The following NAGPA variants were observed in gnomAD, a reference collection of about 807,000 sequenced individuals.
The protein encoded by NAGPA is N-acetylglucosamine-1-phosphodiester alpha-N-acetylglucosaminidase.
NAGPA carries 56 observed loss-of-function variants against 48.5 expected under a neutral mutation model. The observed-to-expected ratio is 1.15, with a 90% confidence interval of 0.93 to 1.44. The LOEUF (loss-of-function observed/expected upper bound fraction) is 1.44, where lower values mean the gene tolerates loss of function less well. Among genes scored for constraint, NAGPA ranks in the 40% most tolerant of loss-of-function variants. NAGPA has a pLI of 0.00. For missense variants in NAGPA, 888 were observed against 735.0 expected, an observed-to-expected ratio of 1.21 and a Z score of -2.41; for synonymous variants, 399 against 315.5, an observed-to-expected ratio of 1.26 and a Z score of -2.81.
At chr16:5,030,542 G>A in intron 3 of NAGPA, 49 bp from the exon 4 acceptor site, 1 of 1,437,722 alleles carries the variant, frequency 7.0e-7, no homozygotes, top group Non-Finnish European at 9.6e-7. Flanking sequence ...GAGGCCTCCT[G>A]CTTCTTGCCT....
At position 5,025,207 on chromosome 16, in the gene NAGPA, C is replaced by G; in HGVS notation, c.*271G>C. 2 of 527,914 alleles carry G rather than the reference C, an allele frequency of 3.8e-6. No homozygotes were observed. The highest frequency in any genetic ancestry group is 6.9e-6 in the Non-Finnish European group (2 of 291,522). The allele number at this position is 527,914 out of a possible 1,614,324, so 32.7% of individuals were successfully genotyped here. A position where few individuals can be genotyped will look rare whatever the true frequency, so the allele number is the denominator to read the frequency against. ...CTCTTTGGCAGTGCGGCAGCCCTCC[C>G]GGGGGCACGGGCTTCTCGGCAGCAG... On this transcript the variant is annotated 3_prime_UTR_variant, in exon 10 of 10. Transcript: ENST00000312251.
Position 5,027,989 on chromosome 16 carries a change from A to T in NAGPA, c.1117T>A (p.Cys373Ser). ...CAGAACCCCCACTCACTCTCCGTGCACAGTCCGTGCTGGCTGCAGTTAGAG... is the reference window on the plus strand; with the variant it reads ...CAGAACCCCCACTCACTCTCCGTGCTCAGTCCGTGCTGGCTGCAGTTAGAG... ...GPSNCSQHGL[C>S]TETGCRCDAG... Residue 373 changes from cysteine (C) to serine (S), a missense_variant, in exon 6 of 10, where the codon TGC becomes AGC. By Grantham distance (112) the Cys-to-Ser change is moderately radical. Transcript: ENST00000312251. The T allele has an allele frequency of 1.3e-6, 2 of 1,588,602 alleles. No homozygotes were observed. Among genetic ancestry groups the T allele is most frequent in the Non-Finnish European group, 1.7e-6 (2 of 1,172,588 alleles).
intron 3 of NAGPA, chr16:5,031,052 C>G (rs1473773949): frequency 5.8e-6 from 1 of 173,152 alleles, no homozygotes; most frequent in Admixed American, 5.5e-5. Context: ...GCTTCAGCCT[C>G]CCAAGTAGCT....
Position 5,033,911 on chromosome 16 carries a change from C to A in NAGPA, c.4G>T (p.Ala2Ser), listed in dbSNP as rs1199388261. The A allele has an allele frequency of 6.5e-7, 1 of 1,549,066 alleles. No individual in the cohort carries two copies. ...AGAAGCCAGCGACCCGTGGAGGTCG[C>A]CATATTGGACCGGGGCCTCGGGTCA... M[A>S]TSTGRWLLLR... Residue 2 changes from alanine to serine, a missense_variant, in exon 1 of 10, where the codon GCG becomes TCG. Physicochemically the swap from Ala to Ser is moderately conservative, Grantham distance 99. Coordinates refer to ENST00000312251, the MANE Select transcript of NAGPA (RefSeq NM_016256.4). This position sits in a 1 kb window ranked among gnomAD's most constrained non-coding sequence, Gnocchi z 4.2.
intron 2 of NAGPA, among the ~76,000 whole-genome samples, chr16:5,032,672 C>G (rs904544036): frequency 6.9e-6 from 1 of 145,746 alleles, no homozygotes; most frequent in African/African-American, 2.8e-5. Context: ...GAGCAAGACT[C>G]TGTCTCAAAA....
Position 5,025,273 on chromosome 16 carries a change from G to T in NAGPA, c.*205C>A, listed in dbSNP as rs376709797. The T allele has an allele frequency of 1.9e-3, 1,222 of 647,884 alleles. 4 individuals are homozygous for T. The highest frequency in any genetic ancestry group is 4.7e-3 in the Middle Eastern group (11 of 2,324). 40.1% of individuals were successfully genotyped at this position (647,884 alleles called of 1,614,324 possible). On this transcript the variant is annotated 3_prime_UTR_variant, in exon 10 of 10. Transcript: ENST00000312251. ...AAGCAGGCAGCTGAGCCTCTCCAGC[G>T]AGCATGGTATTGCTAGGGTTGCAGG...
chr16:5,030,006 ACT>A (rs1368161722), intron 4 of NAGPA: 1 of 356,738 alleles, frequency 2.8e-6, no homozygotes, highest in African/African-American at 2.1e-5. Context: ...AAACCAAAAC[ACT>A]CTCTTTACAG....
intron 5 of NAGPA, 177 bp from the exon 6 acceptor site, chr16:5,028,362 G>C: frequency 7.9e-7 from 1 of 1,261,978 alleles, no homozygotes; most frequent in Non-Finnish European, 1.1e-6. Context: ...AGCCTCCTGA[G>C]CAGCTGTAAC....
In NAGPA at chr16:5,030,377, G is replaced by C. The variant is rs775216572; in HGVS notation, c.791+8C>G. ...CCCGGCCGGGGGGCCTCAGCTCCCA[G>C]GACTCACCCACGCTGCTCCGTTTGG... On this transcript the variant is annotated splice_region_variant and intron_variant, in intron 4 of 9. Coordinates refer to ENST00000312251, the MANE Select transcript of NAGPA (RefSeq NM_016256.4). 1.3e-6 allele frequency: 2 copies of C among 1,550,794 alleles called. No homozygotes were observed. The highest frequency in any genetic ancestry group is 2.7e-5 in the African/African-American group (2 of 73,150).
Position 5,033,219 on chromosome 16 carries a change from A to C in NAGPA, c.542+54T>G. The C allele has an allele frequency of 1.3e-6, 2 of 1,543,008 alleles. No individual in the cohort carries two copies. Among genetic ancestry groups the C allele is most frequent in the Non-Finnish European group, 1.7e-6 (2 of 1,150,588 alleles). On this transcript the variant is annotated intron_variant, in intron 2 of 9. Coordinates refer to ENST00000312251, the MANE Select transcript of NAGPA (RefSeq NM_016256.4). The surrounding 1 kb of genome is among the most constrained non-coding windows in gnomAD (Gnocchi z 4.2). ...ACTTGAACACGGAGGCACGGCTACAACCCAAATCTCAGGCCCTCTGCCCTC... is the reference window on the plus strand; with the variant it reads ...ACTTGAACACGGAGGCACGGCTACACCCCAAATCTCAGGCCCTCTGCCCTC...
In NAGPA at chr16:5,028,883, TG is replaced by T. The variant is rs1277231167; in HGVS notation, c.916del (p.His306ThrfsTer121). The T allele has an allele frequency of 6.2e-7, 1 of 1,613,794 alleles. No individual in the cohort carries two copies. The highest frequency in any genetic ancestry group is 1.3e-5 in the African/African-American group (1 of 74,878). On this transcript the variant is annotated frameshift_variant, in exon 5 of 10. Transcript: ENST00000312251. LOFTEE classifies it high-confidence loss of function. ...NGTLASYPSD[H>X]CQDNMWRCPR... ...AAGGCGGCTCTCACGTGCTTACCAG[TG>T]ATCTGACGGGTAACTGGCCAAGGTC... is the stretch of plus-strand genomic sequence containing the variant.
At position 5,033,517 on chromosome 16, in the gene NAGPA, G is replaced by A; in HGVS notation, c.298C>T (p.Pro100Ser). The change falls in exon 2 of 10, where the codon CCC becomes TCC. Residue 100 changes from proline (P) to serine (S), a missense_variant. Pro to Ser is a moderately conservative substitution (Grantham distance 74). Transcript: ENST00000312251. The surrounding 1 kb of genome is among the most constrained non-coding windows in gnomAD (Gnocchi z 4.2). ...VAGHLTRAVE[P>S]LRTFSVLEPG... The stretch of plus-strand genomic sequence containing the variant: ...TCCAGCACCGAGAAGGTGCGCAGGG[G>A]CTCAACGGCCCGCGTCAGGTGGCCG... The A allele has an allele frequency of 6.5e-7, 1 of 1,527,382 alleles. No homozygotes were observed. Among genetic ancestry groups the A allele is most frequent in the East Asian group, 2.5e-5 (1 of 39,700 alleles). 94.6% of individuals were successfully genotyped at this position (1,527,382 alleles called of 1,614,324 possible).
At position 5,025,142 on chromosome 16, in the gene NAGPA, G is replaced by A. The variant is rs111838782; in HGVS notation, c.*336C>T. On this transcript the variant is annotated 3_prime_UTR_variant, in exon 10 of 10. Transcript: ENST00000312251. ...TGTTCTGTCATGACGTGGTCACTGA[G>A]TCTGGTTCGTTGGCAGCCCCTTCCC... 5.0e-6 allele frequency: 2 copies of A among 398,938 alleles called. No homozygotes were observed. Among genetic ancestry groups the A allele is most frequent in the African/African-American group, 4.1e-5 (2 of 49,162 alleles). The allele number at this position is 398,938 out of a possible 1,614,324, so 24.7% of individuals were successfully genotyped here. A position where few individuals can be genotyped will look rare whatever the true frequency, so the allele number is the denominator to read the frequency against.
chr16:5,027,376 C>T lies in NAGPA; in HGVS notation c.1178G>A (p.Cys393Tyr), dbSNP rs1956020955. ...GWTGSNCSEE[C>Y]PLGWHGPGCQ... ...GCCCGGCCCATGCCAGCCAAGGGGA[C>T]ACTCTATGGAAAGGAGATGGGAGGA... The change falls in exon 8 of 10, where the codon TGT becomes TAT. Residue 393 changes from cysteine (C) to tyrosine (Y), a missense_variant. Coordinates refer to ENST00000312251, the MANE Select transcript of NAGPA (RefSeq NM_016256.4). The T allele has an allele frequency of 6.2e-7, 1 of 1,610,644 alleles. No homozygotes were observed. The highest frequency in any genetic ancestry group is 1.4e-5 in the African/African-American group (1 of 73,856).
rs1567142845 is a variant in NAGPA at position 5,033,331 on chromosome 16, A to G, written c.484T>C (p.Ser162Pro). Residue 162 changes from serine (S) to proline (P), a missense_variant, in exon 2 of 10, where the codon TCC becomes CCC. Coordinates refer to ENST00000312251, the MANE Select transcript of NAGPA (RefSeq NM_016256.4). The surrounding 1 kb of genome is among the most constrained non-coding windows in gnomAD (Gnocchi z 4.2). ...VVSDERRVSS[S>P]GGLQNAQFGI... ...AACTGCGCGTTCTGCAGCCCCCCGG[A>G]GCTGCTCACCCGCCGCTCGTCGCTC... 2 of 1,597,470 alleles carry G rather than the reference A, an allele frequency of 1.3e-6. No individual in the cohort carries two copies. Among genetic ancestry groups the G allele is most frequent in the Non-Finnish European group, 1.7e-6 (2 of 1,179,456 alleles).
At chr16:5,027,045 C>T (rs915303794) in intron 9 of NAGPA, 90 bp downstream of exon 9, 3 of 1,495,772 alleles carry the variant, frequency 2.0e-6, no homozygotes, top group African/African-American at 1.4e-5. Flanking sequence ...TGGCAGGGGA[C>T]AAGGGCAGAG....
rs1266404387 is a variant in NAGPA, at chr16:5,027,913, G to A, written c.1127-20C>T. On this transcript the variant is annotated intron_variant, in intron 6 of 9. Coordinates refer to ENST00000312251, the MANE Select transcript of NAGPA (RefSeq NM_016256.4). Reference sequence around the variant, plus strand: ...AGCCGGCTGCCGAGACAAGACCGGGGAGGCCAGGTGAGGGCCTAGGGCAAG... The same window carrying A: ...AGCCGGCTGCCGAGACAAGACCGGGAAGGCCAGGTGAGGGCCTAGGGCAAG... 5 of 1,609,764 alleles carry A rather than the reference G, an allele frequency of 3.1e-6. No individual in the cohort carries two copies. The highest frequency in any genetic ancestry group is 4.2e-6 in the Non-Finnish European group (5 of 1,178,306).
At chr16:5,030,266 G>T in intron 4 of NAGPA, 119 bp downstream of exon 4, 1 of 909,752 alleles carries the variant, frequency 1.1e-6, no homozygotes, top group Non-Finnish European at 1.7e-6. Context: ...TGGGAGGGGG[G>T]ACAGATAGGT....
rs1956147403 is a variant in NAGPA at position 5,033,611 on chromosome 16, GGGAGGCGGA to G, written c.195_203del (p.Pro66_Pro68del). Reference sequence around the variant, plus strand: ...CCAGACCGCCGGCGCCGGGAGTCGCGGGAGGCGGAGGCCAACTCTCGTGCTCGCGGTTGC... The same window carrying G: ...CCAGACCGCCGGCGCCGGGAGTCGCGGGCCAACTCTCGTGCTCGCGGTTGC... On this transcript the variant is annotated inframe_deletion, in exon 2 of 10. Transcript: ENST00000312251. The surrounding 1 kb of genome is among the most constrained non-coding windows in gnomAD (Gnocchi z 4.2). 1 of 1,506,212 alleles carries G rather than the reference GGGAGGCGGA, an allele frequency of 6.6e-7. No individual in the cohort carries two copies. Among genetic ancestry groups the G allele is most frequent in the African/African-American group, 1.4e-5 (1 of 69,372 alleles). 93.3% of individuals were successfully genotyped at this position (1,506,212 alleles called of 1,614,324 possible). A position where few individuals can be genotyped will look rare whatever the true frequency, so the allele number is the denominator to read the frequency against.
Sources: allele counts gnomAD v4.1 joint callset (sites outside exome capture counted in the v4.1 genomes callset), GRCh38; gene constraint gnomAD v4.1.1; non-coding constraint Gnocchi (gnomAD v3.1); transcripts MANE v1.5; gene names NCBI Gene and HGNC (gene_info 2026-07-23, HGNC 2026-07-21).